The following DOCK8 variants were observed in gnomAD, a reference collection of about 807,000 sequenced individuals.
The protein encoded by DOCK8 is dedicator of cytokinesis protein 8.
In DOCK8, 141 loss-of-function variants were observed where a neutral mutation model predicts 245.6. The ratio of observed to expected loss-of-function variants is 0.57; its 90% CI spans 0.50 to 0.66. The LOEUF is 0.66. Ranked by LOEUF, DOCK8 falls within the 30% of genes least tolerant of loss-of-function variation. The pLI is 0.00. For missense variants in DOCK8, 2,965 were observed against 2,603.4 expected (o/e 1.14, Z -3.02); for synonymous variants, 1,168 against 970.2 (o/e 1.20, Z -3.79).
intron 4 of DOCK8, among the ~76,000 whole-genome samples, chr9:303,815 A>G: frequency 6.6e-6 from 1 of 152,200 alleles, no homozygotes; most frequent in East Asian, 1.9e-4. Flanking sequence ...AAAAAAATAA[A>G]AGATAAGATA....
intron 1 of DOCK8, among the ~76,000 whole-genome samples, chr9:235,781 G>A (rs188637658): frequency 5.4e-4 from 82 of 152,272 alleles, no homozygotes; most frequent in Non-Finnish European, 1.0e-3. Context: ...GGAGTGACCC[G>A]ATTTTCCGGG....
At chr9:221,657 C>T (rs1323682043) in intron 1 of DOCK8, among the ~76,000 whole-genome samples, 3 of 120,218 alleles carry the variant, frequency 2.5e-5, no homozygotes, top group East Asian at 4.9e-4. Context: ...ACTAAAAGTA[C>T]AAAAAAAAAA....
intron 1 of DOCK8, among the ~76,000 whole-genome samples, chr9:221,254 A>G (rs2046875948): frequency 6.6e-6 from 1 of 152,184 alleles, no homozygotes; most frequent in Non-Finnish European, 1.5e-5. Context: ...TGATGGCAAC[A>G]GAACCAGTTT....
At position 443,412 on chromosome 9, in the gene DOCK8, G is replaced by T; in HGVS notation, c.5491-15G>T. The T allele has an allele frequency of 6.2e-7, 1 of 1,611,826 alleles. No individual in the cohort carries two copies. The highest frequency in any genetic ancestry group is 8.5e-7 in the Non-Finnish European group (1 of 1,178,056). The stretch of plus-strand genomic sequence containing the variant: ...TTAAAATAACCTTTATAAACTGTTG[G>T]TTCTTCTTACCTAGGCATTTTATGG... On this transcript the variant is annotated splice_polypyrimidine_tract_variant and intron_variant, in intron 42 of 47. Transcript: ENST00000432829.
At chr9:435,435 C>G (rs534589997) in intron 39 of DOCK8, among the ~76,000 whole-genome samples, 1 of 152,160 alleles carries the variant, frequency 6.6e-6, no homozygotes, top group Non-Finnish European at 1.5e-5. Flanking sequence ...TCCCACTTCG[C>G]GGATGAGAGA....
chr9:335,014 C>T (rs529650216), intron 11 of DOCK8, among the ~76,000 whole-genome samples: 2 of 151,620 alleles, frequency 1.3e-5, no homozygotes, highest in Admixed American at 6.6e-5. Flanking sequence ...ACCAGGGAGG[C>T]GAGGTTACAG....
intron 42 of DOCK8, 102 bp downstream of exon 42, chr9:442,111 C>T: frequency 2.0e-6 from 3 of 1,505,670 alleles, no homozygotes; most frequent in Non-Finnish European, 2.7e-6. Flanking sequence ...ATGGATTCAT[C>T]ATTGATCTCT....
chr9:232,794 T>C (rs2047147893), intron 1 of DOCK8, among the ~76,000 whole-genome samples: 1 of 152,226 alleles, frequency 6.6e-6, no homozygotes, highest in Non-Finnish European at 1.5e-5. Context: ...TCTTTTCTTC[T>C]TTGTTAGTCT....
rs551796578 is a variant in DOCK8, at chr9:411,165, C to G, written c.3531-3617C>G. Among the ~76,000 whole-genome samples, 517 of 152,278 alleles carry G rather than the reference C, an allele frequency of 3.4e-3. 2 individuals are homozygous for G. Among genetic ancestry groups the G allele is most frequent in the Non-Finnish European group, 3.3e-3 (223 of 68,024 alleles). ...CAGTGGCTCATACCTGTAATCCCAGCACTTTGGGTGGCCAAGGCGAGTGGA... is the reference window on the plus strand; with the variant it reads ...CAGTGGCTCATACCTGTAATCCCAGGACTTTGGGTGGCCAAGGCGAGTGGA... On this transcript the variant is annotated intron_variant, in intron 28 of 47. Coordinates refer to ENST00000432829, the MANE Select transcript of DOCK8 (RefSeq NM_203447.4).
intron 1 of DOCK8, among the ~76,000 whole-genome samples, chr9:234,043 C>G (rs1481944747): frequency 2.0e-5 from 3 of 152,078 alleles, no homozygotes; most frequent in Non-Finnish European, 1.5e-5. Context: ...ACTGGTTGTT[C>G]CTTTCCATGT....
chr9:225,446 C>T (rs942869846), intron 1 of DOCK8, among the ~76,000 whole-genome samples: 17 of 152,072 alleles, frequency 1.1e-4, no homozygotes, highest in Middle Eastern at 3.4e-3. Context: ...ACAGTCATTC[C>T]GATGTGAGGT....
intron 46 of DOCK8, chr9:457,990 T>G (rs2057694371): frequency 6.6e-6 from 1 of 152,218 alleles, no homozygotes; most frequent in African/African-American, 2.4e-5. Flanking sequence ...GGATTCAGAG[T>G]TGAGCACTCT....
chr9:256,807 G>A (rs1418523734), intron 1 of DOCK8, among the ~76,000 whole-genome samples: 2 of 152,140 alleles, frequency 1.3e-5, no homozygotes, highest in Admixed American at 6.5e-5. Flanking sequence ...AGCTTCATGA[G>A]GGCAGAGGCT....
intron 14 of DOCK8, chr9:366,457 C>T (rs1025518290): frequency 6.6e-6 from 1 of 152,168 alleles, no homozygotes; most frequent in African/African-American, 2.4e-5. Context: ...TTTTTCCTCT[C>T]GAATACCTGA....
At chr9:409,133 C>T (rs539800632) in intron 28 of DOCK8, among the ~76,000 whole-genome samples, 3 of 151,708 alleles carry the variant, frequency 2.0e-5, no homozygotes, top group African/African-American at 7.3e-5. Flanking sequence ...GCTTCCAAGA[C>T]AGTTGGTAGA....
chr9:221,981 C>T (rs1192476803), intron 1 of DOCK8, among the ~76,000 whole-genome samples: 1 of 152,016 alleles, frequency 6.6e-6, no homozygotes, highest in Non-Finnish European at 1.5e-5. Flanking sequence ...AGGCTGGGCA[C>T]AGTGGCTCAT....
At chr9:408,775 T>G (rs1021567801) in intron 28 of DOCK8, among the ~76,000 whole-genome samples, 4 of 152,214 alleles carry the variant, frequency 2.6e-5, no homozygotes, top group African/African-American at 7.2e-5. Flanking sequence ...CTTGTAAAAT[T>G]GTTGCTGTTA....
intron 1 of DOCK8, among the ~76,000 whole-genome samples, chr9:262,791 C>A (rs1259649154): frequency 6.6e-6 from 1 of 151,946 alleles, no homozygotes; most frequent in African/African-American, 2.4e-5. Flanking sequence ...CAGTTCATTG[C>A]CAGCTAATTA....
rs1333643676 is a variant in DOCK8, at chr9:408,904, ACATG to A, written c.3530+1838_3530+1841del. On this transcript the variant is annotated intron_variant, in intron 28 of 47. Transcript: ENST00000432829. ...CACACACACGCACACACGCGCGTGC[ACATG>A]CACACACACAGTACCCTTTCTCCCC... 5.0e-3 allele frequency among the ~76,000 whole-genome samples: 628 copies of A among 124,748 alleles called. 12 individuals carry two copies. Among genetic ancestry groups the A allele is most frequent in the African/African-American group, 0.017 (590 of 35,702 alleles). The allele number at this position is 124,748 out of a possible 152,430, so 81.8% of individuals were successfully genotyped here. A position where few individuals can be genotyped will look rare whatever the true frequency, so the allele number is the denominator to read the frequency against.
Sources: gnomAD v4.1 joint callset for allele counts (sites outside exome capture counted in the v4.1 genomes callset) on GRCh38, gnomAD v4.1.1 for gene constraint, MANE v1.5 for transcripts, NCBI Gene and HGNC (gene_info 2026-07-23, HGNC 2026-07-21) for gene names.